The following ABI2 variants were observed in gnomAD, a reference collection of about 807,000 sequenced individuals.
ABI2 encodes abelson interactor 2.
ABI2 carries 25 observed loss-of-function variants against 59.2 expected under a neutral mutation model. The ratio of observed to expected loss-of-function variants is 0.42; its 90% CI spans 0.31 to 0.59. The LOEUF is 0.59. Among genes scored for constraint, ABI2 ranks in the 20% least tolerant of loss-of-function variants. The pLI is 0.14. For synonymous variants in ABI2, 213 were observed against 235.5 expected (o/e 0.90, Z 0.87); for missense variants, 545 against 681.8 (o/e 0.80, Z 2.23).
chr2:203,386,797 C>A (rs2096542316), intron 4 of ABI2, among the ~76,000 whole-genome samples: 1 of 151,900 alleles, frequency 6.6e-6, no homozygotes, highest in African/African-American at 2.4e-5. Context: ...TGCCACCATG[C>A]CCGGCTAATT....
At chr2:203,390,392 G>A (rs1578735476) in intron 4 of ABI2, among the ~76,000 whole-genome samples, 2 of 152,280 alleles carry the variant, frequency 1.3e-5, no homozygotes, top group Middle Eastern at 3.4e-3. Flanking sequence ...AGCACTTTGG[G>A]AGGCCGAGGC....
At chr2:203,400,761 A>G (rs1176564838) in intron 8 of ABI2, among the ~76,000 whole-genome samples, 1 of 152,238 alleles carries the variant, frequency 6.6e-6, no homozygotes, top group African/African-American at 2.4e-5. Flanking sequence ...TTAGTCATAT[A>G]AAACCATTTT....
At chr2:203,401,258 C>T (rs2153440918) in intron 8 of ABI2, among the ~76,000 whole-genome samples, 1 of 151,938 alleles carries the variant, frequency 6.6e-6, no homozygotes, top group South Asian at 2.1e-4. Context: ...TTTCCTTTCC[C>T]CTCTGCTATC....
At chr2:203,419,136 T>G (rs1289046486) in intron 11 of ABI2, among the ~76,000 whole-genome samples, 1 of 144,056 alleles carries the variant, frequency 6.9e-6, no homozygotes, top group Non-Finnish European at 1.5e-5. Context: ...TGAGACGGAG[T>G]TTCGCTCTTG....
At chr2:203,360,707 A>G in intron 1 of ABI2, among the ~76,000 whole-genome samples, 1 of 152,216 alleles carries the variant, frequency 6.6e-6, no homozygotes. Flanking sequence ...GAAACAACAG[A>G]TGATGAGTGA....
In ABI2 at chr2:203,427,541, C is replaced by T. The variant is rs1048488148; in HGVS notation, c.*189C>T. 2.4e-5 allele frequency: 13 copies of T among 538,742 alleles called. No individual in the cohort carries two copies. Among genetic ancestry groups the T allele is most frequent in the African/African-American group, 2.3e-4 (12 of 53,228 alleles). 33.4% of individuals were successfully genotyped at this position (538,742 alleles called of 1,614,324 possible). On this transcript the variant is annotated 3_prime_UTR_variant, in exon 12 of 12. Coordinates refer to ENST00000261018, the MANE Select transcript of ABI2 (RefSeq NM_001375670.1). ...GAGTCTGAACAAATGGATCTTTCTGCCATCATTTGTACAATGCTGAGCTGT... is the reference window on the plus strand; with the variant it reads ...GAGTCTGAACAAATGGATCTTTCTGTCATCATTTGTACAATGCTGAGCTGT...
intron 4 of ABI2, among the ~76,000 whole-genome samples, chr2:203,388,987 G>A (rs1175075071): frequency 6.6e-6 from 1 of 151,980 alleles, no homozygotes; most frequent in Non-Finnish European, 1.5e-5. Flanking sequence ...ATCACTTAAA[G>A]TAACTTTGGG....
At chr2:203,396,146 G>C (rs750302706) in intron 7 of ABI2, among the ~76,000 whole-genome samples, 5 of 152,158 alleles carry the variant, frequency 3.3e-5, no homozygotes, top group Non-Finnish European at 7.3e-5. Context: ...AAGTAGTTTT[G>C]ACAGTTAAAT....
intron 1 of ABI2, among the ~76,000 whole-genome samples, chr2:203,355,841 A>AAAC (rs1559202126): frequency 1.3e-5 from 2 of 151,080 alleles, no homozygotes; most frequent in Non-Finnish European, 2.9e-5. Context: ...AAAAAAAAAA[A>AAAC]AAAAAAAAAA....
Position 203,368,004 on chromosome 2 carries a change from CA to C in ABI2, c.285+969del, listed in dbSNP as rs200840835. ...GGGAGACAGAGTGAAACCCTGTCTC[CA>C]AAAAAAAATAAAAAAAAGTAGCCAG... On this transcript the variant is annotated intron_variant, in intron 2 of 11. Coordinates refer to ENST00000261018, the MANE Select transcript of ABI2 (RefSeq NM_001375670.1). 5.7e-5 allele frequency among the ~76,000 whole-genome samples: 8 copies of C among 140,804 alleles called. No homozygotes were observed. The East Asian group carries it at 1.2e-3, about 22-fold the overall frequency. 92.4% of individuals were successfully genotyped at this position (140,804 alleles called of 152,430 possible).
At chr2:203,347,308 T>G (rs969537628) in intron 1 of ABI2, among the ~76,000 whole-genome samples, 1 of 152,208 alleles carries the variant, frequency 6.6e-6, no homozygotes, top group African/African-American at 2.4e-5. Context: ...GCAAGTTTTG[T>G]TCATAGATAA....
At chr2:203,413,991 C>CTGCT (rs2097782618) in intron 10 of ABI2, among the ~76,000 whole-genome samples, 1 of 152,240 alleles carries the variant, frequency 6.6e-6, no homozygotes, top group Middle Eastern at 3.4e-3. Flanking sequence ...AGAGTCCAAA[C>CTGCT]TGCTGTAAGG....
chr2:203,379,334 A>G (rs909471202), intron 2 of ABI2, among the ~76,000 whole-genome samples: 3 of 151,898 alleles, frequency 2.0e-5, no homozygotes, highest in African/African-American at 7.3e-5. Flanking sequence ...TGCAGCTTTG[A>G]CCTCCTGGAC....
intron 2 of ABI2, chr2:203,375,997 A>G: frequency 7.7e-7 from 1 of 1,292,654 alleles, no homozygotes; most frequent in Admixed American, 2.0e-5. Flanking sequence ...CCGTTGTTAG[A>G]TTACCTTTAT....
At chr2:203,339,952 A>G (rs2078915014) in intron 1 of ABI2, among the ~76,000 whole-genome samples, 2 of 152,228 alleles carry the variant, frequency 1.3e-5, no homozygotes, top group Admixed American at 6.5e-5. Context: ...GTATATGTGG[A>G]TGAATACTGT....
intron 4 of ABI2, chr2:203,386,531 T>C: frequency 1.3e-6 from 1 of 742,720 alleles, no homozygotes; most frequent in Non-Finnish European, 1.6e-6. Context: ...TAAGAAATTA[T>C]TAGGGAAGTT....
At chr2:203,328,890 C>A (rs2070506987) in intron 1 of ABI2, 2 of 289,884 alleles carry the variant, frequency 6.9e-6, no homozygotes, top group Middle Eastern at 9.3e-4. Context: ...TCGCCGCTCC[C>A]GCCCTCGGCC....
rs965534957 is a variant in ABI2 at position 203,378,144 on chromosome 2, G to A, written c.286-2064G>A. Among the ~76,000 whole-genome samples the A allele has an allele frequency of 2.0e-5, 3 of 146,676 alleles. No individual in the cohort carries two copies. In the Admixed American group the frequency reaches 2.1e-4, roughly 10 times the overall value. Reference sequence around the variant, plus strand: ...TTTTTTTTTTTTAAGATGGAGTCTCGCTCTGTTGCCCAGGCTGGAGTGCAG... The same window carrying A: ...TTTTTTTTTTTTAAGATGGAGTCTCACTCTGTTGCCCAGGCTGGAGTGCAG... On this transcript the variant is annotated intron_variant, in intron 2 of 11. Coordinates refer to ENST00000261018, the MANE Select transcript of ABI2 (RefSeq NM_001375670.1).
intron 1 of ABI2, among the ~76,000 whole-genome samples, chr2:203,358,304 ATTTTAT>A (rs1332437939): frequency 6.6e-6 from 1 of 151,728 alleles, no homozygotes; most frequent in Non-Finnish European, 1.5e-5. Context: ...AAGTTTTTAA[ATTTTAT>A]TTTTATTTTT....
Sources: gnomAD v4.1 joint callset for allele counts (sites outside exome capture counted in the v4.1 genomes callset) on GRCh38, gnomAD v4.1.1 for gene constraint, MANE v1.5 for transcripts, NCBI Gene and HGNC (gene_info 2026-07-23, HGNC 2026-07-21) for gene names.